Variants in TBL1XR1 observed in about 807,000 individuals in gnomAD.
The protein encoded by TBL1XR1 is F-box-like/WD repeat-containing protein TBL1XR1.
Under a neutral mutation model 66.9 loss-of-function variants are expected in TBL1XR1, and 5 were observed. The ratio of observed to expected loss-of-function variants is 0.07; its 90% CI spans 0.04 to 0.16. The LOEUF is 0.16. TBL1XR1 is among the 10% of genes least tolerant of loss of function. The probability of loss-of-function intolerance (pLI) is 1.00; values close to 1 mark genes in which losing one functional copy is unlikely to be tolerated. For synonymous variants in TBL1XR1, 210 were observed against 206.0 expected, an observed-to-expected ratio of 1.02 and a Z score of -0.17; for missense variants, 238 against 623.2, an observed-to-expected ratio of 0.38 and a Z score of 6.58.
chr3:177,139,534 C>T (rs1463627221), intron 1 of TBL1XR1, among the ~76,000 whole-genome samples: 2 of 148,958 alleles, frequency 1.3e-5, no homozygotes, highest in East Asian at 2.0e-4. Flanking sequence ...GACTCCATCT[C>T]GGGGGGAAAA....
At chr3:177,064,782 C>T in intron 3 of TBL1XR1, 138 bp downstream of exon 3, 1 of 635,424 alleles carries the variant, frequency 1.6e-6, no homozygotes, top group East Asian at 3.1e-5. Context: ...TAAAACATAG[C>T]TTTAAAATGG....
intron 7 of TBL1XR1, 152 bp from the exon 8 acceptor site, chr3:177,047,701 T>G: frequency 1.3e-6 from 1 of 746,902 alleles, no homozygotes; most frequent in South Asian, 1.9e-5. Context: ...TGAGTGCCAC[T>G]AAAGGCCTAT....
chr3:177,185,787 T>C (rs1365651373), intron 1 of TBL1XR1, among the ~76,000 whole-genome samples: 1 of 152,078 alleles, frequency 6.6e-6, no homozygotes, highest in Admixed American at 6.6e-5. Flanking sequence ...GAGGACTGCT[T>C]GAGTCCAGGA....
intron 10 of TBL1XR1, chr3:177,041,281 T>G (rs1018241248): frequency 6.6e-6 from 1 of 152,280 alleles, no homozygotes; most frequent in South Asian, 2.1e-4. Flanking sequence ...CAAGCTGGTG[T>G]TGTGTATGTT....
chr3:177,137,129 T>TG (rs373454817), intron 1 of TBL1XR1, among the ~76,000 whole-genome samples: 339 of 151,912 alleles, frequency 2.2e-3, no homozygotes, highest in African/African-American at 6.9e-3. Flanking sequence ...TAAAATGTTA[T>TG]GGGGGGGGAA....
chr3:177,062,623 T>A (rs1413972062), intron 3 of TBL1XR1, among the ~76,000 whole-genome samples: 1 of 152,218 alleles, frequency 6.6e-6, no homozygotes, highest in Non-Finnish European at 1.5e-5. Flanking sequence ...ATTTTCACAT[T>A]TTTAGAGATG....
chr3:177,174,664 T>C (rs1258243930), intron 1 of TBL1XR1, among the ~76,000 whole-genome samples: 1 of 152,110 alleles, frequency 6.6e-6, no homozygotes, highest in African/African-American at 2.4e-5. Context: ...TCCAATTGCA[T>C]TTTTTGCAGA....
At chr3:177,182,028 G>A (rs971539655) in intron 1 of TBL1XR1, among the ~76,000 whole-genome samples, 12 of 152,104 alleles carry the variant, frequency 7.9e-5, no homozygotes, top group African/African-American at 2.7e-4. Context: ...CAAGCCAAAA[G>A]GATTCTGCAG....
Position 177,024,371 on chromosome 3 carries a change from A to G in TBL1XR1, c.*1127T>C, listed in dbSNP as rs1712788573. 1 of 152,522 alleles carries G rather than the reference A, an allele frequency of 6.6e-6. No individual in the cohort carries two copies. Among genetic ancestry groups the G allele is most frequent in the South Asian group, 2.1e-4 (1 of 4,830 alleles). The allele number at this position is 152,522 out of a possible 1,614,324, so 9.4% of individuals were successfully genotyped here. A position where few individuals can be genotyped will look rare whatever the true frequency, so the allele number is the denominator to read the frequency against. On this transcript the variant is annotated 3_prime_UTR_variant, in exon 16 of 16. Transcript: ENST00000457928. ...TTGTATAAAGAAAACAACATGAGAGATTTTTAATACTGGAGTTTGGTTACA... is the reference window on the plus strand; with the variant it reads ...TTGTATAAAGAAAACAACATGAGAGGTTTTTAATACTGGAGTTTGGTTACA...
intron 3 of TBL1XR1, among the ~76,000 whole-genome samples, chr3:177,060,355 A>T (rs1718359524): frequency 6.6e-6 from 1 of 152,216 alleles, no homozygotes; most frequent in Admixed American, 6.5e-5. Flanking sequence ...ATTCAGAATC[A>T]CTATCTAGAA....
chr3:177,065,056 TA>T, intron 2 of TBL1XR1, 34 bp from the exon 3 acceptor site: 1 of 1,282,128 alleles, frequency 7.8e-7, no homozygotes, highest in Non-Finnish European at 1.0e-6. Flanking sequence ...ATTTTCTCAG[TA>T]AAATATTTTT....
intron 13 of TBL1XR1, among the ~76,000 whole-genome samples, chr3:177,033,669 G>A (rs73185583): frequency 0.076 from 11,499 of 152,032 alleles, 527 homozygotes; most frequent in Admixed American, 0.14. Context: ...TTCCCCTTAA[G>A]GAACCGACGT....
At chr3:177,169,976 G>C (rs1413420337) in intron 1 of TBL1XR1, among the ~76,000 whole-genome samples, 3 of 152,124 alleles carry the variant, frequency 2.0e-5, no homozygotes, top group Admixed American at 6.6e-5. Context: ...TGCTGAATCA[G>C]AAATTGGGGG....
intron 1 of TBL1XR1, among the ~76,000 whole-genome samples, chr3:177,181,617 T>C (rs925956547): frequency 6.6e-6 from 1 of 151,196 alleles, no homozygotes; most frequent in Non-Finnish European, 1.5e-5. Flanking sequence ...GAAGAACCAA[T>C]CTGGGCCACA....
At chr3:177,069,658 G>A (rs1719620856) in intron 2 of TBL1XR1, among the ~76,000 whole-genome samples, 1 of 152,010 alleles carries the variant, frequency 6.6e-6, no homozygotes, top group Non-Finnish European at 1.5e-5. Context: ...AGAATTGCTT[G>A]AACCCGGGAG....
At chr3:177,201,277 G>C (rs574270180), upstream of TBL1XR1, among the ~76,000 whole-genome samples, 2 of 151,938 alleles carry the variant, frequency 1.3e-5, no homozygotes, top group Admixed American at 1.3e-4. Flanking sequence ...TGAGCGTGGT[G>C]GCACATGCCT....
At chr3:177,118,589 CTTCT>C (rs762075950) in intron 1 of TBL1XR1, among the ~76,000 whole-genome samples, 1 of 152,222 alleles carries the variant, frequency 6.6e-6, no homozygotes, top group East Asian at 1.9e-4. Flanking sequence ...TGTGAATTCC[CTTCT>C]TTATGAGGCT....
intron 1 of TBL1XR1, among the ~76,000 whole-genome samples, chr3:177,173,686 TG>T (rs1446792751): frequency 2.0e-5 from 3 of 152,096 alleles, no homozygotes; most frequent in Non-Finnish European, 4.4e-5. Context: ...AAGACATTCG[TG>T]GAAAAAACCG....
At chr3:177,093,249 T>C (rs1002011047) in intron 2 of TBL1XR1, among the ~76,000 whole-genome samples, 13 of 152,078 alleles carry the variant, frequency 8.5e-5, no homozygotes, top group African/African-American at 3.1e-4. Context: ...ATAAAATACT[T>C]AGGAATATAC....
Sources: allele counts gnomAD v4.1 joint callset (sites outside exome capture counted in the v4.1 genomes callset), GRCh38; gene constraint gnomAD v4.1.1; transcripts MANE v1.5; gene names NCBI Gene and HGNC (gene_info 2026-07-23, HGNC 2026-07-21).